Variants in RGS21 observed in about 807,000 individuals in gnomAD.
RGS21 encodes regulator of G-protein signalling 21.
In RGS21, 19 loss-of-function variants were observed where a neutral mutation model predicts 18.7. That is an observed-to-expected ratio of 1.01 (90% CI 0.71 to 1.49). The LOEUF (loss-of-function observed/expected upper bound fraction) is 1.49. Among genes scored for constraint, RGS21 ranks in the 40% most tolerant of loss-of-function variants. RGS21 has a pLI of 0.00. For missense variants in RGS21, 194 were observed against 176.8 expected, an observed-to-expected ratio of 1.10 and a Z score of -0.55; for synonymous variants, 56 against 57.8, an observed-to-expected ratio of 0.97 and a Z score of 0.14.
intron 2 of RGS21, among the ~76,000 whole-genome samples, chr1:192,344,080 T>C (rs895733903): frequency 6.6e-6 from 1 of 152,108 alleles, no homozygotes; most frequent in Admixed American, 6.6e-5. Flanking sequence ...TATTTGATAG[T>C]GTACAAGCTT....
intron 1 of RGS21, among the ~76,000 whole-genome samples, chr1:192,318,904 T>C (rs558748575): frequency 2.2e-4 from 34 of 152,062 alleles, no homozygotes; most frequent in African/African-American, 7.7e-4. Flanking sequence ...TGTAAATCAA[T>C]AAACAAAAAG....
At chr1:192,336,918 T>C (rs1658776592) in intron 1 of RGS21, among the ~76,000 whole-genome samples, 1 of 152,164 alleles carries the variant, frequency 6.6e-6, no homozygotes, top group South Asian at 2.1e-4. Flanking sequence ...TCTTTTTCCT[T>C]TTCTATTCAG....
At chr1:192,355,895 AT>A (rs950340391) in intron 4 of RGS21, among the ~76,000 whole-genome samples, 1 of 151,504 alleles carries the variant, frequency 6.6e-6, no homozygotes, top group Non-Finnish European at 1.5e-5. Flanking sequence ...TTAAAGAGAA[AT>A]TTTTAATGTT....
chr1:192,352,371 C>T (rs1557980482), intron 4 of RGS21, among the ~76,000 whole-genome samples, 158 bp downstream of exon 4: 1 of 151,666 alleles, frequency 6.6e-6, no homozygotes, highest in Non-Finnish European at 1.5e-5. Flanking sequence ...AGATGACTCT[C>T]TTTTTTTTCA....
intron 4 of RGS21, among the ~76,000 whole-genome samples, chr1:192,354,534 T>C (rs1316238932): frequency 6.6e-6 from 1 of 151,692 alleles, no homozygotes; most frequent in Non-Finnish European, 1.5e-5. Context: ...AAAGAAATGA[T>C]GGAATGTATT....
chr1:192,326,697 C>T (rs1250283638), intron 1 of RGS21, among the ~76,000 whole-genome samples: 1 of 152,064 alleles, frequency 6.6e-6, no homozygotes, highest in Non-Finnish European at 1.5e-5. Context: ...ATTTCACATG[C>T]AATATGTATT....
chr1:192,366,137 T>TCAAC lies in RGS21; in HGVS notation c.*13_*14insCAAC. 7.6e-7 allele frequency: 1 copy of TCAAC among 1,314,920 alleles called. No individual in the cohort carries two copies. Among genetic ancestry groups the TCAAC allele is most frequent in the Non-Finnish European group, 1.1e-6 (1 of 937,614 alleles). The allele number at this position is 1,314,920 out of a possible 1,614,324, so 81.5% of individuals were successfully genotyped here. A position where few individuals can be genotyped will look rare whatever the true frequency, so the allele number is the denominator to read the frequency against. On this transcript the variant is annotated 3_prime_UTR_variant, in exon 5 of 5. Coordinates refer to ENST00000417209, the MANE Select transcript of RGS21 (RefSeq NM_001039152.3). ...CCCTTTTTTGTGAGGAAGGTAAAAGTTAACTAATCACTATACTTCAGGGCT... is the reference window on the plus strand; with the variant it reads ...CCCTTTTTTGTGAGGAAGGTAAAAGTCAACTAACTAATCACTATACTTCAGGGCT...
chr1:192,330,122 A>G (rs1658623851), intron 1 of RGS21, among the ~76,000 whole-genome samples: 1 of 152,218 alleles, frequency 6.6e-6, no homozygotes, highest in Non-Finnish European at 1.5e-5. Flanking sequence ...TCCTTATGGA[A>G]TAAGAAGTCT....
chr1:192,331,543 C>T (rs1557975201), intron 1 of RGS21, among the ~76,000 whole-genome samples: 1 of 117,530 alleles, frequency 8.5e-6, no homozygotes, highest in Admixed American at 7.8e-5. Context: ...AAGACTCCGT[C>T]TCTAAATAAA....
At chr1:192,338,161 T>G (rs573874422) in intron 1 of RGS21, among the ~76,000 whole-genome samples, 1 of 152,256 alleles carries the variant, frequency 6.6e-6, no homozygotes, top group South Asian at 2.1e-4. Context: ...GGTATTGCCA[T>G]TGCTCAAAAC....
chr1:192,319,328 A>G (rs1246251663), intron 1 of RGS21, among the ~76,000 whole-genome samples: 4 of 152,088 alleles, frequency 2.6e-5, no homozygotes, highest in African/African-American at 9.7e-5. Flanking sequence ...TTGTTTCAAA[A>G]TGTTTGTTTT....
intron 4 of RGS21, 50 bp from the exon 5 acceptor site, chr1:192,365,871 A>G (rs1659251275): frequency 9.9e-7 from 1 of 1,012,176 alleles, no homozygotes; most frequent in Non-Finnish European, 1.5e-6. Context: ...TATAAACTAT[A>G]CATTCTTTGA....
chr1:192,365,840 G>T (rs950236531), intron 4 of RGS21, 81 bp from the exon 5 acceptor site: 72 of 760,680 alleles, frequency 9.5e-5, no homozygotes, highest in Non-Finnish European at 3.6e-5. Context: ...TGTTTAGAAA[G>T]AATTTTAAAT....
At chr1:192,328,144 T>C (rs1395356882) in intron 1 of RGS21, among the ~76,000 whole-genome samples, 2 of 152,208 alleles carry the variant, frequency 1.3e-5, no homozygotes, top group African/African-American at 4.8e-5. Context: ...ATCTCTGTCA[T>C]GGACACACGT....
chr1:192,355,496 G>C (rs187353017), intron 4 of RGS21, among the ~76,000 whole-genome samples: 1 of 151,388 alleles, frequency 6.6e-6, no homozygotes, highest in Admixed American at 6.6e-5. Flanking sequence ...GTTGCTCATT[G>C]AGTAAATTTT....
intron 2 of RGS21, among the ~76,000 whole-genome samples, chr1:192,346,920 T>C (rs1048028399): frequency 6.6e-6 from 1 of 152,154 alleles, no homozygotes; most frequent in Non-Finnish European, 1.5e-5. Context: ...ACTATAAAAA[T>C]TTAGAAAATA....
chr1:192,363,817 G>C (rs1295810904), intron 4 of RGS21, among the ~76,000 whole-genome samples: 1 of 151,964 alleles, frequency 6.6e-6, no homozygotes, highest in Non-Finnish European at 1.5e-5. Flanking sequence ...TCTTGCATTA[G>C]GGACTCTGTG....
intron 3 of RGS21, among the ~76,000 whole-genome samples, chr1:192,349,749 G>A (rs888831278): frequency 2.0e-5 from 3 of 152,074 alleles, no homozygotes; most frequent in African/African-American, 7.2e-5. Context: ...ACAGGAGGAG[G>A]AAAGATACTA....
intron 4 of RGS21, among the ~76,000 whole-genome samples, chr1:192,364,035 C>A (rs535466768): frequency 6.6e-5 from 10 of 152,210 alleles, no homozygotes; most frequent in African/African-American, 1.9e-4. Flanking sequence ...ATTCTTATAT[C>A]ACTGGGTCAA....
Sources: allele counts gnomAD v4.1 joint callset (sites outside exome capture counted in the v4.1 genomes callset), GRCh38; gene constraint gnomAD v4.1.1; transcripts MANE v1.5; gene names NCBI Gene and HGNC (gene_info 2026-07-23, HGNC 2026-07-21).